CSMD3: variants seen among roughly 807,000 people sequenced by gnomAD.
The protein encoded by CSMD3 is CUB and Sushi multiple domains 3.
A neutral mutation model predicts 435.2 loss-of-function variants in CSMD3; 177 were observed. That is an observed-to-expected ratio of 0.41 (90% CI 0.36 to 0.46). CSMD3 has a LOEUF of 0.46. Among genes scored for constraint, CSMD3 ranks in the 20% least tolerant of loss-of-function variants. The probability of loss-of-function intolerance (pLI) is 0.34; values close to 1 mark genes in which losing one functional copy is unlikely to be tolerated. For missense variants in CSMD3, 4,265 were observed against 4,504.6 expected (o/e 0.95, Z 1.52); for synonymous variants, 1,656 against 1,520.5 (o/e 1.09, Z -2.07).
At chr8:113,047,871 A>G (rs1311993715) in intron 5 of CSMD3, among the ~76,000 whole-genome samples, 1 of 152,184 alleles carries the variant, frequency 6.6e-6, no homozygotes, top group African/African-American at 2.4e-5. Context: ...CAAATATTAA[A>G]GAATCCGTAA....
Position 113,364,411 on chromosome 8 carries a change from TGAAAA to T in CSMD3, c.179-49623_179-49619del, listed in dbSNP as rs72041562. Among the ~76,000 whole-genome samples, 1,167 of 151,946 alleles carry T rather than the reference TGAAAA, an allele frequency of 7.7e-3. 16 individuals are homozygous for T. Among genetic ancestry groups the T allele is most frequent in the African/African-American group, 0.027 (1,106 of 41,470 alleles). ...AGCTATCATCTTTAAAAAGAACACTTGAAAAGAAAAAAAATTTGAATGTGGAAATG... is the reference window on the plus strand; with the variant it reads ...AGCTATCATCTTTAAAAAGAACACTTGAAAAAAAATTTGAATGTGGAAATG... On this transcript the variant is annotated intron_variant, in intron 1 of 70. Transcript: ENST00000297405.
chr8:113,262,487 A>G (rs2093435105), intron 3 of CSMD3, among the ~76,000 whole-genome samples: 1 of 152,092 alleles, frequency 6.6e-6, no homozygotes, highest in Admixed American at 6.6e-5. Flanking sequence ...TGCAGCTAAT[A>G]TAATAGTTGT....
intron 3 of CSMD3, among the ~76,000 whole-genome samples, chr8:113,208,222 T>C (rs536957327): frequency 3.5e-4 from 53 of 152,294 alleles, no homozygotes; most frequent in Middle Eastern, 3.4e-3. Context: ...TTCCTGAATC[T>C]TTATTACATG....
intron 12 of CSMD3, among the ~76,000 whole-genome samples, chr8:112,817,277 C>G (rs925446284): frequency 6.6e-6 from 1 of 151,986 alleles, no homozygotes; most frequent in Non-Finnish European, 1.5e-5. Context: ...CTGCTGTATG[C>G]AGATGAAAAG....
rs78918370 is a variant in CSMD3, at chr8:112,974,573, G to A, written c.1342+1264C>T. ...TTGAGTAAATCACAAATTTTAACAC[G>A]GTCCCTATATTCTTATAAATGGTAA... On this transcript the variant is annotated intron_variant, in intron 7 of 70. Coordinates refer to ENST00000297405, the MANE Select transcript of CSMD3 (RefSeq NM_198123.2). Among the ~76,000 whole-genome samples the A allele has an allele frequency of 3.4e-3, 509 of 151,548 alleles. 3 individuals carry two copies. The highest frequency in any genetic ancestry group is 0.011 in the African/African-American group (437 of 41,402).
intron 13 of CSMD3, among the ~76,000 whole-genome samples, chr8:112,717,749 C>T (rs1376207927): frequency 1.3e-5 from 2 of 152,134 alleles, no homozygotes; most frequent in Non-Finnish European, 2.9e-5. Context: ...GGAATGAGAT[C>T]ATGTCCTTTG....
intron 27 of CSMD3, among the ~76,000 whole-genome samples, chr8:112,523,798 G>A (rs1824564814): frequency 6.6e-6 from 1 of 152,000 alleles, no homozygotes; most frequent in African/African-American, 2.4e-5. Context: ...CCCACACTCT[G>A]CCAGCTACTC....
chr8:113,430,504 T>A (rs1039112866), intron 1 of CSMD3, among the ~76,000 whole-genome samples: 1 of 152,144 alleles, frequency 6.6e-6, no homozygotes, highest in African/African-American at 2.4e-5. Context: ...TACTGTAGGG[T>A]CGCTCAAATT....
At chr8:112,923,832 T>A (rs983282040) in intron 9 of CSMD3, among the ~76,000 whole-genome samples, 6 of 152,172 alleles carry the variant, frequency 3.9e-5, no homozygotes, top group African/African-American at 1.2e-4. Context: ...TTGGTTGCTA[T>A]CATATAAGAC....
chr8:113,116,273 T>C (rs556800596), intron 4 of CSMD3, among the ~76,000 whole-genome samples: 1 of 152,276 alleles, frequency 6.6e-6, no homozygotes, highest in African/African-American at 2.4e-5. Context: ...TAGGGGCAGT[T>C]TCTCCACGCT....
At position 112,306,040 on chromosome 8, in the gene CSMD3, A is replaced by G; in HGVS notation, c.8038T>C (p.Trp2680Arg). 2 of 1,613,876 alleles carry G rather than the reference A, an allele frequency of 1.2e-6. No individual in the cohort carries two copies. Among genetic ancestry groups the G allele is most frequent in the Non-Finnish European group, 8.5e-7 (1 of 1,179,848 alleles). Residue 2680 changes from tryptophan (W) to arginine (R), a missense_variant, in exon 51 of 71, where the codon TGG becomes CGG. Coordinates refer to ENST00000297405, the MANE Select transcript of CSMD3 (RefSeq NM_198123.2). ...CGAGGGGTCTTGTTATGATTGCTCC[A>G]TGTTCCATCTGATTGGCATACAGCT... is the stretch of plus-strand genomic sequence containing the variant. ...TTAVCQSDGTWSNHNKTPRCV... is the reference protein window; with the variant it reads ...TTAVCQSDGTRSNHNKTPRCV...
At chr8:112,750,061 T>C (rs1313014974) in intron 13 of CSMD3, among the ~76,000 whole-genome samples, 2 of 151,946 alleles carry the variant, frequency 1.3e-5, no homozygotes, top group Non-Finnish European at 2.9e-5. Context: ...AAGAAGATAC[T>C]AAAAACGAGC....
chr8:113,311,893 C>G (rs1192832781), intron 2 of CSMD3: 1 of 151,926 alleles, frequency 6.6e-6, no homozygotes, highest in Non-Finnish European at 1.5e-5. Flanking sequence ...ATAGTCTTGT[C>G]ATTTTGCTTG....
intron 4 of CSMD3, among the ~76,000 whole-genome samples, chr8:113,112,371 A>G (rs2090668882): frequency 8.1e-6 from 1 of 123,630 alleles, no homozygotes; most frequent in African/African-American, 3.1e-5. Flanking sequence ...GATATACACA[A>G]CTGACCCAAT....
chr8:112,466,535 T>C (rs145752498), intron 32 of CSMD3, among the ~76,000 whole-genome samples: 1 of 152,312 alleles, frequency 6.6e-6, no homozygotes, highest in African/African-American at 2.4e-5. Flanking sequence ...CATTAATACA[T>C]ATCCAAGTCA....
chr8:112,780,730 A>G (rs969114711), intron 13 of CSMD3, among the ~76,000 whole-genome samples: 2 of 152,098 alleles, frequency 1.3e-5, no homozygotes, highest in African/African-American at 4.8e-5. Context: ...AAAGCAACAT[A>G]GGGCAGAATT....
At chr8:112,372,914 C>T (rs1828552334) in intron 38 of CSMD3, among the ~76,000 whole-genome samples, 1 of 149,068 alleles carries the variant, frequency 6.7e-6, no homozygotes, top group Non-Finnish European at 1.5e-5. Flanking sequence ...CAGCATTTAC[C>T]TTTTAGGTAA....
chr8:112,860,257 T>G (rs965066181), intron 10 of CSMD3, among the ~76,000 whole-genome samples: 1 of 151,802 alleles, frequency 6.6e-6, no homozygotes, highest in Non-Finnish European at 1.5e-5. Flanking sequence ...TAGTTTCTTC[T>G]CTTAATAGCA....
intron 35 of CSMD3, among the ~76,000 whole-genome samples, chr8:112,391,079 T>G (rs1468227227): frequency 6.6e-6 from 1 of 152,208 alleles, no homozygotes; most frequent in African/African-American, 2.4e-5. Context: ...ACGCATTGAC[T>G]AAATTTGCCT....
Sources: gnomAD v4.1 joint callset for allele counts (sites outside exome capture counted in the v4.1 genomes callset) on GRCh38, gnomAD v4.1.1 for gene constraint, MANE v1.5 for transcripts, NCBI Gene and HGNC (gene_info 2026-07-23, HGNC 2026-07-21) for gene names.